Variants in PLCB4 observed in about 807,000 individuals in gnomAD.
The protein encoded by PLCB4 is 1-phosphatidylinositol 4,5-bisphosphate phosphodiesterase beta-4.
In PLCB4, 77 loss-of-function variants were observed where a neutral mutation model predicts 178.8. The ratio of observed to expected loss-of-function variants is 0.43; its 90% CI spans 0.36 to 0.52. The LOEUF is 0.52. Ranked by LOEUF, PLCB4 falls within the 20% of genes least tolerant of loss-of-function variation. The pLI, the probability that PLCB4 is intolerant of heterozygous loss-of-function variation, is 0.00. For synonymous variants in PLCB4, 496 were observed against 490.8 expected (o/e 1.01, Z -0.14); for missense variants, 1,024 against 1,453.4 (o/e 0.70, Z 4.80).
chr20:9,093,965 A>T (rs1046881574), intron 1 of PLCB4, among the ~76,000 whole-genome samples: 1 of 152,086 alleles, frequency 6.6e-6, no homozygotes, highest in African/African-American at 2.4e-5. Flanking sequence ...GTGACAGATC[A>T]CTGAGCTAGG....
chr20:9,278,969 T>TTTTG (rs527470553), intron 3 of PLCB4, among the ~76,000 whole-genome samples: 63 of 152,106 alleles, frequency 4.1e-4, no homozygotes, highest in African/African-American at 1.3e-3. Context: ...CCCACTGAGT[T>TTTTG]TTTGTTTGTT....
chr20:9,463,593 C>CAAAAAAAAAAAA (rs145361980), intron 35 of PLCB4, among the ~76,000 whole-genome samples: 4 of 49,712 alleles, frequency 8.0e-5, no homozygotes, highest in African/African-American at 8.1e-5. Flanking sequence ...AAATGGAAAG[C>CAAAAAAAAAAAA]AAAAAAAAAA....
chr20:9,459,758 C>T lies in PLCB4; in HGVS notation c.3196C>T (p.Leu1066Phe). 2 of 1,613,372 alleles carry T rather than the reference C, an allele frequency of 1.2e-6. No homozygotes were observed. The highest frequency in any genetic ancestry group is 8.5e-7 in the Non-Finnish European group (1 of 1,179,470). Reference sequence around the variant, plus strand: ...GCAGTGTGAGCTGCTGAAAAAGCTACTCATCAATGCCCACGAGCAGCAAAC... The same window carrying T: ...GCAGTGTGAGCTGCTGAAAAAGCTATTCATCAATGCCCACGAGCAGCAAAC... Reference protein sequence around the residue: ...SQQCELLKKLLINAHEQQTQQ... With the variant: ...SQQCELLKKLFINAHEQQTQQ... Residue 1066 changes from leucine to phenylalanine, a missense_variant, in exon 35 of 40, where the codon CTC becomes TTC. Around this residue, in one of 7 missense-constraint regions of PLCB4, gnomAD observed 264 missense variants for 283.2 expected, o/e 0.93. Coordinates refer to ENST00000378473, the MANE Select transcript of PLCB4 (RefSeq NM_001377142.1).
intron 7 of PLCB4, among the ~76,000 whole-genome samples, chr20:9,356,987 A>T (rs2148198245): frequency 6.6e-6 from 1 of 152,184 alleles, no homozygotes; most frequent in Admixed American, 6.5e-5. Flanking sequence ...GTGGTGGCTC[A>T]CACTTGTGGT....
chr20:9,444,035 A>C lies in PLCB4; in HGVS notation c.2814+5A>C, dbSNP rs927635069. On this transcript the variant is annotated splice_donor_5th_base_variant and intron_variant, in intron 31 of 39. Coordinates refer to ENST00000378473, the MANE Select transcript of PLCB4 (RefSeq NM_001377142.1). ...GAAGACTTAAAGCAGATGAAGGTAA[A>C]ATTGCTTGACTATTTTGCAAGCACT... 6.3e-7 allele frequency: 1 copy of C among 1,597,740 alleles called. No homozygotes were observed.
At chr20:9,098,112 GT>G (rs1009404088) in intron 2 of PLCB4, among the ~76,000 whole-genome samples, 27 of 152,036 alleles carry the variant, frequency 1.8e-4, no homozygotes, top group African/African-American at 6.5e-4. Context: ...TTAAATAAAT[GT>G]TTTCTTTTTT....
At chr20:9,335,567 T>C (rs2032337202) in intron 4 of PLCB4, among the ~76,000 whole-genome samples, 1 of 152,218 alleles carries the variant, frequency 6.6e-6, no homozygotes, top group Non-Finnish European at 1.5e-5. Context: ...GTCTGAACCA[T>C]GCATTGTTGG....
At chr20:9,168,492 T>C (rs187150676) in intron 2 of PLCB4, among the ~76,000 whole-genome samples, 129 of 152,358 alleles carry the variant, frequency 8.5e-4, no homozygotes, top group Middle Eastern at 6.8e-3. Context: ...CACACTTTAA[T>C]GTGCGTGTGA....
chr20:9,092,317 C>T (rs980080736), intron 1 of PLCB4, among the ~76,000 whole-genome samples: 1 of 152,032 alleles, frequency 6.6e-6, no homozygotes, highest in Non-Finnish European at 1.5e-5. Context: ...TGTAATGGTC[C>T]TTAGGAAAGC....
intron 3 of PLCB4, among the ~76,000 whole-genome samples, chr20:9,293,336 C>T (rs2094598493): frequency 8.4e-6 from 1 of 118,352 alleles, no homozygotes; most frequent in African/African-American, 3.5e-5. Flanking sequence ...GACAGACTGT[C>T]AGAAAGAGAG....
chr20:9,114,946 G>C (rs990405186), intron 2 of PLCB4, among the ~76,000 whole-genome samples: 2 of 152,134 alleles, frequency 1.3e-5, no homozygotes, highest in African/African-American at 4.8e-5. Flanking sequence ...TGGTTGCTGT[G>C]TTTGGCCATG....
chr20:9,357,092 G>A (rs1182689933), intron 7 of PLCB4, among the ~76,000 whole-genome samples: 1 of 152,116 alleles, frequency 6.6e-6, no homozygotes, highest in African/African-American at 2.4e-5. Context: ...ACTCCAGCCT[G>A]GGCAACAGAA....
At position 9,379,955 on chromosome 20, in the gene PLCB4, G is replaced by T. The variant is rs1382238721; in HGVS notation, c.745-99G>T. The T allele has an allele frequency of 9.6e-6, 6 of 621,906 alleles. No individual in the cohort carries two copies. In the African/African-American group the frequency reaches 1.1e-4, roughly 12 times the overall value. 38.5% of individuals were successfully genotyped at this position (621,906 alleles called of 1,614,324 possible). On this transcript the variant is annotated intron_variant, in intron 12 of 39. Transcript: ENST00000378473. ...TATCTTTGTAATTATAAACATGACA[G>T]TCTAGATATATTTTGTTTTATAAAT... is the stretch of plus-strand genomic sequence containing the variant.
At chr20:9,383,844 A>G (rs1465999750) in intron 13 of PLCB4, among the ~76,000 whole-genome samples, 1 of 152,178 alleles carries the variant, frequency 6.6e-6, no homozygotes, top group East Asian at 1.9e-4. Flanking sequence ...TTGACAGAAG[A>G]AGAAGCTGAG....
intron 32 of PLCB4, among the ~76,000 whole-genome samples, chr20:9,445,439 C>G (rs1000628678): frequency 6.6e-6 from 1 of 152,198 alleles, no homozygotes; most frequent in Admixed American, 6.5e-5. Context: ...AATCATTCCA[C>G]GTATTGAGAT....
At chr20:9,321,912 G>A (rs367783872) in intron 4 of PLCB4, among the ~76,000 whole-genome samples, 11 of 151,546 alleles carry the variant, frequency 7.3e-5, no homozygotes, top group East Asian at 5.8e-4. Context: ...TATTACAGGC[G>A]TGAGAGCCAC....
chr20:9,343,690 T>C (rs2033486122), intron 7 of PLCB4, among the ~76,000 whole-genome samples: 3 of 152,194 alleles, frequency 2.0e-5, no homozygotes, highest in Admixed American at 6.5e-5. Context: ...CTCAGTTCTA[T>C]ATACCTTTCT....
chr20:9,387,800 C>T (rs2037801980), intron 15 of PLCB4, among the ~76,000 whole-genome samples: 1 of 152,178 alleles, frequency 6.6e-6, no homozygotes, highest in African/African-American at 2.4e-5. Context: ...CAGAGTTTAC[C>T]TAGTTTTACT....
chr20:9,450,946 G>T (rs1235908223), intron 32 of PLCB4, among the ~76,000 whole-genome samples: 3 of 152,090 alleles, frequency 2.0e-5, no homozygotes, highest in Non-Finnish European at 4.4e-5. Flanking sequence ...ACTGTGCCCA[G>T]CCCTAACTCA....
Sources: allele counts gnomAD v4.1 joint callset (sites outside exome capture counted in the v4.1 genomes callset), GRCh38; gene constraint gnomAD v4.1.1; regional missense constraint gnomAD v4.1.1; transcripts MANE v1.5; gene names NCBI Gene and HGNC (gene_info 2026-07-23, HGNC 2026-07-21).